Variants in TANC2 observed in about 807,000 individuals in gnomAD.
The protein encoded by TANC2 is tetratricopeptide repeat, ankyrin repeat and coiled-coil containing 2, also known as protein TANC2.
TANC2 carries 26 observed loss-of-function variants against 210.5 expected under a neutral mutation model. That is an observed-to-expected ratio of 0.12 (90% confidence interval 0.09 to 0.17). The LOEUF is 0.17. Ranked by LOEUF, TANC2 falls within the 10% of genes least tolerant of loss-of-function variation. The pLI is 1.00. For synonymous variants in TANC2, 931 were observed against 967.1 expected, an observed-to-expected ratio of 0.96 and a Z score of 0.69; for missense variants, 2,129 against 2,608.9, an observed-to-expected ratio of 0.82 and a Z score of 4.01.
intron 1 of TANC2, among the ~76,000 whole-genome samples, chr17:63,005,742 A>G (rs1275267325): frequency 6.6e-6 from 1 of 151,984 alleles, no homozygotes; most frequent in African/African-American, 2.4e-5. Context: ...AATATCTGTA[A>G]GGTTTTGGGA....
At chr17:62,992,544 TAG>T (rs1210553093) in intron 1 of TANC2, among the ~76,000 whole-genome samples, 2 of 152,276 alleles carry the variant, frequency 1.3e-5, no homozygotes, top group Non-Finnish European at 2.9e-5. Context: ...AGAAAAAGTG[TAG>T]AGTCATTTCA....
chr17:63,137,362 A>G (rs753596160), intron 4 of TANC2, among the ~76,000 whole-genome samples: 23 of 152,334 alleles, frequency 1.5e-4, no homozygotes, highest in Non-Finnish European at 3.1e-4. Context: ...TTTGTGTTGT[A>G]TACTTCAAAT....
chr17:63,039,905 G>A (rs1466555611), intron 2 of TANC2, among the ~76,000 whole-genome samples: 2 of 152,048 alleles, frequency 1.3e-5, no homozygotes, highest in African/African-American at 4.8e-5. Context: ...CATGTGTAAT[G>A]TGTGTGTCTA....
intron 3 of TANC2, among the ~76,000 whole-genome samples, chr17:63,082,401 G>A (rs1221712868): frequency 6.6e-6 from 1 of 152,192 alleles, no homozygotes; most frequent in African/African-American, 2.4e-5. Context: ...ATGAAGAGCA[G>A]TTGGTTTTAA....
At chr17:63,164,232 T>G (rs2040129798) in intron 5 of TANC2, among the ~76,000 whole-genome samples, 1 of 150,476 alleles carries the variant, frequency 6.6e-6, no homozygotes, top group Non-Finnish European at 1.5e-5. Context: ...CCTCCTGGGC[T>G]CAAACAACCC....
chr17:63,043,365 ATATAAACCCATACATAAT>A (rs1271897522), intron 2 of TANC2, among the ~76,000 whole-genome samples: 18 of 152,110 alleles, frequency 1.2e-4, no homozygotes, highest in Admixed American at 4.6e-4. Flanking sequence ...ACATATACGC[ATATAAACCCATACATAAT>A]TATAAACCCA....
At chr17:63,167,904 A>G (rs1291205843) in intron 5 of TANC2, among the ~76,000 whole-genome samples, 9 of 150,982 alleles carry the variant, frequency 6.0e-5, no homozygotes, top group Admixed American at 1.3e-4. Context: ...AAAAAAAAAA[A>G]AAAAAGAAAA....
intron 2 of TANC2, among the ~76,000 whole-genome samples, chr17:63,045,027 T>TG (rs1025131253): frequency 1.3e-5 from 2 of 152,220 alleles, no homozygotes; most frequent in African/African-American, 4.8e-5. Context: ...GAGCTAAGGA[T>TG]GGTTTTCCCA....
chr17:63,094,951 C>T (rs547506125), intron 3 of TANC2, among the ~76,000 whole-genome samples: 1 of 151,918 alleles, frequency 6.6e-6, no homozygotes, highest in African/African-American at 2.4e-5. Context: ...TGTAGAGTAC[C>T]AGTAGGTGCT....
At chr17:63,334,488 A>G (rs1294921322) in intron 11 of TANC2, among the ~76,000 whole-genome samples, 1 of 152,166 alleles carries the variant, frequency 6.6e-6, no homozygotes, top group Non-Finnish European at 1.5e-5. Context: ...ATAAGGGAGA[A>G]CTCTTTCTTC....
At chr17:63,189,478 GT>G (rs1432773962) in intron 5 of TANC2, among the ~76,000 whole-genome samples, 1 of 152,092 alleles carries the variant, frequency 6.6e-6, no homozygotes, top group Non-Finnish European at 1.5e-5. Context: ...TCTCCTTGTG[GT>G]TTTGATTTGC....
intron 13 of TANC2, among the ~76,000 whole-genome samples, chr17:63,352,707 C>G (rs1036513104): frequency 5.3e-5 from 8 of 152,174 alleles, no homozygotes; most frequent in African/African-American, 1.9e-4. Flanking sequence ...AGTACTTCAA[C>G]TAAGAATTTT....
intron 4 of TANC2, among the ~76,000 whole-genome samples, chr17:63,121,998 A>C: frequency 6.7e-6 from 1 of 148,336 alleles, no homozygotes; most frequent in Admixed American, 6.7e-5. Context: ...GGGGGAGGGG[A>C]GGGTGCATAT....
At chr17:63,142,007 A>G (rs1337375064) in intron 4 of TANC2, among the ~76,000 whole-genome samples, 4 of 152,208 alleles carry the variant, frequency 2.6e-5, no homozygotes, top group African/African-American at 7.2e-5. Flanking sequence ...AATTGATTGA[A>G]CTAAGTTAGA....
chr17:63,212,919 C>G (rs1043491259), intron 7 of TANC2, among the ~76,000 whole-genome samples: 2 of 152,318 alleles, frequency 1.3e-5, no homozygotes, highest in South Asian at 2.1e-4. Context: ...TTACTCTATT[C>G]ATTATTCAAT....
chr17:63,022,437 C>T (rs997119690), intron 2 of TANC2, among the ~76,000 whole-genome samples: 2 of 151,684 alleles, frequency 1.3e-5, no homozygotes, highest in African/African-American at 2.4e-5. Flanking sequence ...TGGCCACTTA[C>T]AGTGAGCTAT....
In TANC2 at chr17:63,197,463, C is replaced by CT. The variant is rs564764977; in HGVS notation, c.583-3302dup. 1.0e-3 allele frequency among the ~76,000 whole-genome samples: 154 copies of CT among 152,212 alleles called. 1 individual carries two copies. Among genetic ancestry groups the CT allele is most frequent in the African/African-American group, 3.7e-3 (153 of 41,534 alleles). On this transcript the variant is annotated intron_variant, in intron 6 of 27. Transcript: ENST00000689528. Reference sequence around the variant, plus strand: ...GTAGGAGGTCATGTTAATTTGGTGACTTTTTTCTGAGCTAAACAGTGTATT... The same window carrying CT: ...GTAGGAGGTCATGTTAATTTGGTGACTTTTTTTCTGAGCTAAACAGTGTATT...
intron 14 of TANC2, among the ~76,000 whole-genome samples, chr17:63,364,444 A>T (rs944481069): frequency 6.6e-6 from 1 of 152,176 alleles, no homozygotes; most frequent in African/African-American, 2.4e-5. Context: ...AGAACTACTT[A>T]TTCTGTCATA....
intron 13 of TANC2, among the ~76,000 whole-genome samples, chr17:63,353,239 G>A (rs1019677054): frequency 2.6e-5 from 4 of 152,168 alleles, no homozygotes; most frequent in Admixed American, 2.0e-4. Flanking sequence ...TATTTTGAAG[G>A]AGAGTAAAAG....
Sources: allele counts gnomAD v4.1 joint callset (sites outside exome capture counted in the v4.1 genomes callset), GRCh38; gene constraint gnomAD v4.1.1; transcripts MANE v1.5; gene names NCBI Gene and HGNC (gene_info 2026-07-23, HGNC 2026-07-21).